AASS: variants seen among roughly 807,000 people sequenced by gnomAD.
The protein encoded by AASS is aminoadipate-semialdehyde synthase.
Under a neutral mutation model 105.4 loss-of-function variants are expected in AASS, and 86 were observed. The ratio of observed to expected loss-of-function variants is 0.82; its 90% CI spans 0.69 to 0.98. AASS has a LOEUF of 0.98. Among genes scored for constraint, AASS ranks in the 50% least tolerant of loss-of-function variants. The pLI, the probability that AASS is intolerant of heterozygous loss-of-function variation, is 0.00. For missense variants in AASS, 1,048 were observed against 1,143.2 expected, an observed-to-expected ratio of 0.92 and a Z score of 1.20; for synonymous variants, 381 against 394.8, an observed-to-expected ratio of 0.96 and a Z score of 0.41.
chr7:122,081,834 T>C, intron 19 of AASS: 1 of 499,114 alleles, frequency 2.0e-6, no homozygotes, highest in South Asian at 2.3e-5. Flanking sequence ...AATTTCAAGC[T>C]CAAACTGAGA....
At chr7:122,125,489 G>A (rs1284545520) in intron 4 of AASS, among the ~76,000 whole-genome samples, 3 of 152,166 alleles carry the variant, frequency 2.0e-5, no homozygotes, top group Non-Finnish European at 4.4e-5. Context: ...AAAAGAGACA[G>A]GGTCATTTAT....
intron 3 of AASS, among the ~76,000 whole-genome samples, chr7:122,128,664 C>T (rs1215876353): frequency 6.6e-6 from 1 of 152,228 alleles, no homozygotes; most frequent in East Asian, 1.9e-4. Flanking sequence ...GTGTCAGACA[C>T]AGCATCAGCA....
chr7:122,078,449 TA>T (rs1328987385), intron 22 of AASS, among the ~76,000 whole-genome samples: 2 of 151,872 alleles, frequency 1.3e-5, no homozygotes, highest in Admixed American at 6.6e-5. Flanking sequence ...TTGTCTCTAC[TA>T]AAAATACAAA....
At chr7:122,105,503 A>C (rs1321178068) in intron 11 of AASS, among the ~76,000 whole-genome samples, 2 of 152,054 alleles carry the variant, frequency 1.3e-5, no homozygotes, top group Admixed American at 1.3e-4. Context: ...TAACAAATTC[A>C]AAAAAATTGA....
At chr7:122,117,325 T>C (rs1019146159) in intron 6 of AASS, among the ~76,000 whole-genome samples, 2 of 152,190 alleles carry the variant, frequency 1.3e-5, no homozygotes, top group East Asian at 3.8e-4. Flanking sequence ...GATGCTTACC[T>C]CACAATATAA....
At chr7:122,135,569 C>A (rs1796105396) in intron 1 of AASS, among the ~76,000 whole-genome samples, 1 of 152,124 alleles carries the variant, frequency 6.6e-6, no homozygotes, top group Admixed American at 6.5e-5. Flanking sequence ...TAAAGGCTTA[C>A]TATGATGAAT....
intron 9 of AASS, 39 bp downstream of exon 9, chr7:122,115,035 T>C: frequency 6.2e-7 from 1 of 1,613,962 alleles, no homozygotes; most frequent in South Asian, 1.1e-5. Context: ...TGGAAGCAGC[T>C]GGTCAAAACT....
In AASS at chr7:122,133,704, C is replaced by T; in HGVS notation, c.23G>A (p.Gly8Glu). MLQVHRT[G>E]LGRLGVSLSK... ...GAGGCTGACCCCCAGCCTGCCCAGT[C>T]CAGTCCTATGTACTTGCAGCATCTT... The change falls in exon 2 of 24, where the codon GGA (glycine) becomes GAA (glutamate). Residue 8 changes from glycine (G) to glutamate (E), a missense_variant. Physicochemically the swap from Gly to Glu is moderately conservative, Grantham distance 98. Transcript: ENST00000417368. 1.2e-6 allele frequency: 2 copies of T among 1,614,138 alleles called. No homozygotes were observed. The highest frequency in any genetic ancestry group is 1.3e-5 in the African/African-American group (1 of 75,034).
At chr7:122,119,130 A>G (rs568031464) in intron 4 of AASS, among the ~76,000 whole-genome samples, 45 of 152,310 alleles carry the variant, frequency 3.0e-4, no homozygotes, top group African/African-American at 8.7e-4. Flanking sequence ...TGTAGATCAG[A>G]TCAGAAGTAC....
chr7:122,122,305 GA>G (rs1454975462), intron 4 of AASS, among the ~76,000 whole-genome samples: 1 of 151,824 alleles, frequency 6.6e-6, no homozygotes, highest in African/African-American at 2.4e-5. Context: ...CATAAAGAGA[GA>G]AAAAGACTGA....
intron 18 of AASS, among the ~76,000 whole-genome samples, chr7:122,089,343 A>C: frequency 6.6e-6 from 1 of 152,166 alleles, no homozygotes; most frequent in East Asian, 1.9e-4. Context: ...GAGTGGTCAC[A>C]AAAAGCTTCA....
intron 15 of AASS, among the ~76,000 whole-genome samples, chr7:122,097,282 T>C (rs76533691): frequency 6.6e-6 from 1 of 152,036 alleles, no homozygotes; most frequent in African/African-American, 2.4e-5. Context: ...AACAGATAAC[T>C]TTCTTCTTCT....
chr7:122,083,284 T>A (rs931498323), intron 19 of AASS, among the ~76,000 whole-genome samples: 3 of 152,168 alleles, frequency 2.0e-5, no homozygotes, highest in African/African-American at 7.2e-5. Context: ...AAAAGTAATA[T>A]CACTAGCTTG....
intron 13 of AASS, among the ~76,000 whole-genome samples, chr7:122,101,020 G>T (rs1340348005): frequency 6.6e-6 from 1 of 151,830 alleles, no homozygotes. Flanking sequence ...AGAAAGGCTA[G>T]TGTGCTCATT....
chr7:122,113,189 A>G lies in AASS; in HGVS notation c.1207T>C (p.Leu403=), dbSNP rs1198804395. The G allele has an allele frequency of 6.2e-7, 1 of 1,614,080 alleles. No individual in the cohort carries two copies. Among genetic ancestry groups the G allele is most frequent in the Admixed American group, 1.7e-5 (1 of 60,016 alleles). Residue 403 remains leucine (L), a synonymous_variant, in exon 11 of 24, where the codon TTG becomes CTG. Transcript: ENST00000417368. ...SGILMCSIDN[L]PAQLPIEATE... The stretch of plus-strand genomic sequence containing the variant: ...GCTTCAATTGGGAGCTGTGCCGGCA[A>G]ATTGTCAATGGAACACATCAGGATC...
At chr7:122,098,097 A>G (rs1005520304) in intron 15 of AASS, among the ~76,000 whole-genome samples, 1 of 152,050 alleles carries the variant, frequency 6.6e-6, no homozygotes, top group African/African-American at 2.4e-5. Flanking sequence ...ATGAGGATAT[A>G]TTGAATGATT....
rs1284418430 is a variant in AASS, at chr7:122,076,437, CAT to C, written c.*50_*51del. 1 of 1,176,450 alleles carries C rather than the reference CAT, an allele frequency of 8.5e-7. No individual in the cohort carries two copies. Among genetic ancestry groups the C allele is most frequent in the African/African-American group, 1.5e-5 (1 of 66,380 alleles). 72.9% of individuals were successfully genotyped at this position (1,176,450 alleles called of 1,614,324 possible). ...CATTAGCAAACCCATTTATCACACA[CAT>C]GTTCAGAGGTGTATTGCCTGGGAAG... On this transcript the variant is annotated 3_prime_UTR_variant, in exon 24 of 24. Coordinates refer to ENST00000417368, the MANE Select transcript of AASS (RefSeq NM_005763.4).
chr7:122,125,388 A>C (rs1242258044), intron 4 of AASS, among the ~76,000 whole-genome samples: 1 of 152,210 alleles, frequency 6.6e-6, no homozygotes, highest in Admixed American at 6.5e-5. Context: ...ACAGCACATG[A>C]ACATAAATTT....
At position 122,092,964 on chromosome 7, in the gene AASS, G is replaced by A; in HGVS notation, c.1767-13C>T. On this transcript the variant is annotated splice_polypyrimidine_tract_variant and intron_variant, in intron 16 of 23. Coordinates refer to ENST00000417368, the MANE Select transcript of AASS (RefSeq NM_005763.4). ...AGCATCTTCCACACTGCAGCAGGTG[G>A]AAAGAGGAAAAAGGAAAACTTGGAT... 6.2e-7 allele frequency: 1 copy of A among 1,613,404 alleles called. No homozygotes were observed.
Sources: gnomAD v4.1 joint callset for allele counts (sites outside exome capture counted in the v4.1 genomes callset) on GRCh38, gnomAD v4.1.1 for gene constraint, MANE v1.5 for transcripts, NCBI Gene and HGNC (gene_info 2026-07-23, HGNC 2026-07-21) for gene names.